Variants in ADGRL3 observed in about 807,000 individuals in gnomAD.
ADGRL3 encodes adhesion G protein-coupled receptor L3.
Under a neutral mutation model 153.5 loss-of-function variants are expected in ADGRL3, and 62 were observed. That is an observed-to-expected ratio of 0.40 (90% confidence interval 0.33 to 0.50). The LOEUF (loss-of-function observed/expected upper bound fraction) is 0.50, where lower values mean the gene tolerates loss of function less well. ADGRL3 is among the 20% of genes least tolerant of loss of function. The pLI is 0.47. For missense variants in ADGRL3, 1,641 were observed against 1,859.4 expected (o/e 0.88, Z 2.16); for synonymous variants, 710 against 672.5 (o/e 1.06, Z -0.86).
At chr4:61,789,535 TA>T (rs2097316867) in intron 8 of ADGRL3, among the ~76,000 whole-genome samples, 3 of 152,182 alleles carry the variant, frequency 2.0e-5, no homozygotes, top group Admixed American at 2.0e-4. Context: ...AAATACACAA[TA>T]AAGTTCCATT....
chr4:61,440,592 T>A (rs946469241), intron 2 of ADGRL3, among the ~76,000 whole-genome samples: 1 of 152,146 alleles, frequency 6.6e-6, no homozygotes, highest in African/African-American at 2.4e-5. Context: ...AAGAACATGA[T>A]TGAGTGTGAT....
At chr4:62,050,459 TAAC>T (rs951757815) in intron 25 of ADGRL3, among the ~76,000 whole-genome samples, 5 of 152,058 alleles carry the variant, frequency 3.3e-5, no homozygotes, top group African/African-American at 1.2e-4. Flanking sequence ...GAACCGTTTT[TAAC>T]AAAAGTTTTC....
chr4:61,350,365 A>G (rs912852848), intron 1 of ADGRL3, among the ~76,000 whole-genome samples: 5 of 76,822 alleles, frequency 6.5e-5, no homozygotes, highest in Non-Finnish European at 1.1e-4. Flanking sequence ...TTTTTTTTCT[A>G]TCTGGGGAAA....
chr4:61,206,149 A>G (rs1336453968), intron 1 of ADGRL3, among the ~76,000 whole-genome samples: 1 of 152,168 alleles, frequency 6.6e-6, no homozygotes, highest in Non-Finnish European at 1.5e-5. Flanking sequence ...TGTCTTCCTT[A>G]TGTCTTATTG....
chr4:61,278,300 A>G (rs1278652569), intron 1 of ADGRL3, among the ~76,000 whole-genome samples: 1 of 152,112 alleles, frequency 6.6e-6, no homozygotes, highest in Non-Finnish European at 1.5e-5. Context: ...TTTTTCCTCA[A>G]GGGAATTTTC....
chr4:61,431,273 ATAAAAT>A, intron 2 of ADGRL3, among the ~76,000 whole-genome samples: 1 of 152,314 alleles, frequency 6.6e-6, no homozygotes, highest in East Asian at 1.9e-4. Context: ...CAATCCTTCT[ATAAAAT>A]AGGACCAACC....
intron 5 of ADGRL3, among the ~76,000 whole-genome samples, chr4:61,624,853 G>T (rs903612436): frequency 6.6e-6 from 1 of 151,762 alleles, no homozygotes; most frequent in Non-Finnish European, 1.5e-5. Context: ...ACCCCCAAAA[G>T]CAGCTTAAAT....
At chr4:61,225,016 A>G (rs1410147490) in intron 1 of ADGRL3, among the ~76,000 whole-genome samples, 1 of 152,200 alleles carries the variant, frequency 6.6e-6, no homozygotes, top group Non-Finnish European at 1.5e-5. Flanking sequence ...TCCTTCTTTT[A>G]TGCTTCCTTA....
intron 8 of ADGRL3, among the ~76,000 whole-genome samples, chr4:61,803,044 G>A (rs188388234): frequency 1.3e-5 from 2 of 152,034 alleles, no homozygotes; most frequent in African/African-American, 4.8e-5. Flanking sequence ...CTATTCGCTA[G>A]TGGTATCAGT....
At chr4:61,564,283 G>C (rs1303479259) in intron 4 of ADGRL3, among the ~76,000 whole-genome samples, 1 of 151,890 alleles carries the variant, frequency 6.6e-6, no homozygotes, top group Non-Finnish European at 1.5e-5. Flanking sequence ...TGGTTGGTTT[G>C]TTTGTTTTTG....
At chr4:62,033,391 A>G (rs1398066073) in intron 23 of ADGRL3, among the ~76,000 whole-genome samples, 6 of 151,838 alleles carry the variant, frequency 4.0e-5, no homozygotes, top group African/African-American at 9.7e-5. Flanking sequence ...AGTCTGCCAC[A>G]CTTAATGTAT....
chr4:61,581,073 G>A (rs534369461), intron 4 of ADGRL3, among the ~76,000 whole-genome samples: 14 of 152,196 alleles, frequency 9.2e-5, no homozygotes, highest in African/African-American at 2.2e-4. Flanking sequence ...GAGAAACACA[G>A]CAATGGAGAT....
rs779103880 is a variant in ADGRL3, at chr4:61,344,690, AG to A, written c.-239-38433del. The stretch of plus-strand genomic sequence containing the variant: ...AATAAAATGATGTATCTTTTAATGA[AG>A]TTAACTAAGTGTACTACATGTAAAT... On this transcript the variant is annotated intron_variant, in intron 1 of 26. Transcript: ENST00000683033. Among the ~76,000 whole-genome samples, 46 of 152,270 alleles carry A rather than the reference AG, an allele frequency of 3.0e-4. 2 individuals carry two copies. The East Asian group carries it at 3.9e-3, about 13-fold the overall frequency.
chr4:61,737,743 C>T (rs1218054408), intron 8 of ADGRL3, among the ~76,000 whole-genome samples: 1 of 152,016 alleles, frequency 6.6e-6, no homozygotes, highest in Non-Finnish European at 1.5e-5. Context: ...TAACTTATTC[C>T]AAAATTGTCC....
Position 61,998,185 on chromosome 4 carries a change from C to G in ADGRL3, c.3315C>G (p.Ile1105Met), listed in dbSNP as rs1398473656. 6.4e-7 allele frequency: 1 copy of G among 1,568,220 alleles called. No homozygotes were observed. Among genetic ancestry groups the G allele is most frequent in the South Asian group, 1.2e-5 (1 of 84,600 alleles). Residue 1105 changes from isoleucine (I) to methionine (M), a missense_variant, in exon 21 of 27, where the codon ATC (isoleucine) becomes ATG (methionine). Physicochemically the swap from Ile to Met is conservative, Grantham distance 10 (BLOSUM62 1). Around this residue, in one of 5 missense-constraint regions of ADGRL3, gnomAD observed 517 missense variants for 555.0 expected, o/e 0.93. Coordinates refer to ENST00000683033, the MANE Select transcript of ADGRL3 (RefSeq NM_001387552.1). ...CTTTTGCATTCCAGCTTAATGTAAT[C>G]TTCCTTGGGATTGCTTTATATAAAA... ...PATLIIMLNV[I>M]FLGIALYKMF...
intron 5 of ADGRL3, among the ~76,000 whole-genome samples, chr4:61,665,935 T>G (rs1301485365): frequency 6.6e-6 from 1 of 152,184 alleles, no homozygotes; most frequent in Non-Finnish European, 1.5e-5. Context: ...ATTTGTGAGC[T>G]CTGCTTCATG....
intron 9 of ADGRL3, among the ~76,000 whole-genome samples, chr4:61,827,013 C>G (rs1297086195): frequency 6.6e-6 from 1 of 152,130 alleles, no homozygotes; most frequent in Non-Finnish European, 1.5e-5. Context: ...TAGTTATAGT[C>G]CCGTGGGCAA....
chr4:61,892,335 C>T (rs1221896432), intron 9 of ADGRL3, among the ~76,000 whole-genome samples: 1 of 152,014 alleles, frequency 6.6e-6, no homozygotes. Context: ...ATCTAATTGT[C>T]AAAAAGGCTG....
At chr4:61,401,184 A>G (rs1327064110) in intron 2 of ADGRL3, among the ~76,000 whole-genome samples, 1 of 151,724 alleles carries the variant, frequency 6.6e-6, no homozygotes, top group Non-Finnish European at 1.5e-5. Context: ...TTAAACTTTC[A>G]TTTTTATTAA....
Sources: allele counts gnomAD v4.1 joint callset (sites outside exome capture counted in the v4.1 genomes callset), GRCh38; gene constraint gnomAD v4.1.1; regional missense constraint gnomAD v4.1.1; transcripts MANE v1.5; gene names NCBI Gene and HGNC (gene_info 2026-07-23, HGNC 2026-07-21).